Variants in CNIH3 observed in about 807,000 individuals in gnomAD.
CNIH3 encodes the protein protein cornichon homolog 3.
In CNIH3, 14 loss-of-function variants were observed where a neutral mutation model predicts 24.1. The observed-to-expected ratio is 0.58, with a 90% CI of 0.38 to 0.91. The LOEUF is 0.91. CNIH3 is among the 40% of genes least tolerant of loss of function. CNIH3 has a pLI of 0.00. For synonymous variants in CNIH3, 68 were observed against 73.8 expected, an observed-to-expected ratio of 0.92 and a Z score of 0.40; for missense variants, 178 against 196.8, an observed-to-expected ratio of 0.90 and a Z score of 0.57.
chr1:224,737,400 G>A (rs938475571), intron 5 of CNIH3, among the ~76,000 whole-genome samples: 3 of 152,128 alleles, frequency 2.0e-5, no homozygotes, highest in Non-Finnish European at 4.4e-5. Flanking sequence ...AACAAAATTG[G>A]AAACAGTTCC....
At chr1:224,525,038 A>C (rs1288884931) in intron 2 of CNIH3, among the ~76,000 whole-genome samples, 1 of 152,212 alleles carries the variant, frequency 6.6e-6, no homozygotes, top group Middle Eastern at 3.2e-3. Context: ...GTAGCCATTC[A>C]AGATGAAAAC....
At chr1:224,495,344 G>A (rs1677395269) in intron 1 of CNIH3, among the ~76,000 whole-genome samples, 1 of 152,184 alleles carries the variant, frequency 6.6e-6, no homozygotes, top group East Asian at 1.9e-4. Flanking sequence ...AATCCAATAT[G>A]ATTTTTTACT....
At chr1:224,439,791 T>G (rs987371865) in intron 1 of CNIH3, among the ~76,000 whole-genome samples, 1 of 151,546 alleles carries the variant, frequency 6.6e-6, no homozygotes, top group Non-Finnish European at 1.5e-5. Context: ...TTGGTTTTTG[T>G]TTTGTTTTGT....
At chr1:224,534,095 G>T (rs369027828) in intron 2 of CNIH3, among the ~76,000 whole-genome samples, 110 of 152,332 alleles carry the variant, frequency 7.2e-4, no homozygotes, top group African/African-American at 2.5e-3. Context: ...AGCCTCGGAG[G>T]TTGAGGCTTC....
At chr1:224,586,972 C>A (rs1296633624) in intron 5 of CNIH3, among the ~76,000 whole-genome samples, 3 of 152,176 alleles carry the variant, frequency 2.0e-5, no homozygotes, top group Non-Finnish European at 2.9e-5. Flanking sequence ...TGATTTTAGA[C>A]TTCCATCCTT....
upstream of CNIH3, among the ~76,000 whole-genome samples, chr1:224,513,234 C>T (rs1255357457): frequency 1.5e-4 from 23 of 151,742 alleles, no homozygotes; most frequent in Admixed American, 1.1e-3. Context: ...TCACAGCTCA[C>T]AGCAGCCTAA....
At position 224,715,949 on chromosome 1, in the gene CNIH3, TC is replaced by T. The variant is rs1688407632; in HGVS notation, c.199-14512del. On this transcript the variant is annotated intron_variant, in intron 3 of 5. Coordinates refer to ENST00000272133, the MANE Select transcript of CNIH3 (RefSeq NM_152495.2). ...CTTCACACAGTGGCCCATGCTGAGT[TC>T]TTTTCTTTCACCCCTAAAAATATTT... Among the ~76,000 whole-genome samples the T allele has an allele frequency of 2.6e-5, 4 of 152,302 alleles. No homozygotes were observed. The South Asian group carries it at 8.3e-4, about 32-fold the overall frequency.
At chr1:224,609,469 G>T (rs1436102419) in intron 3 of CNIH3, among the ~76,000 whole-genome samples, 1 of 152,116 alleles carries the variant, frequency 6.6e-6, no homozygotes, top group Non-Finnish European at 1.5e-5. Context: ...TTGGATGGGG[G>T]TGTTGAGAGG....
At chr1:224,608,907 CA>C (rs956905848) in intron 3 of CNIH3, among the ~76,000 whole-genome samples, 3 of 152,194 alleles carry the variant, frequency 2.0e-5, no homozygotes, top group African/African-American at 4.8e-5. Context: ...TAAACTCTGC[CA>C]TTTTGCCTCT....
chr1:224,590,394 T>C (rs935627279), downstream of CNIH3, among the ~76,000 whole-genome samples: 2 of 152,242 alleles, frequency 1.3e-5, no homozygotes, highest in East Asian at 3.8e-4. Flanking sequence ...TGTGTATGTA[T>C]GCCAAACAGT....
At chr1:224,555,507 G>C (rs551355053) in intron 3 of CNIH3, among the ~76,000 whole-genome samples, 48 of 152,278 alleles carry the variant, frequency 3.2e-4, no homozygotes, top group African/African-American at 1.1e-3. Flanking sequence ...TATTTTGGAA[G>C]ACTTTTAACA....
chr1:224,734,511 T>C, intron 4 of CNIH3, 52 bp from the exon 5 acceptor site: 1 of 1,597,652 alleles, frequency 6.3e-7, no homozygotes, highest in Middle Eastern at 1.9e-4. Context: ...TTGCCCAGGT[T>C]ACGCCAGAAG....
At chr1:224,495,253 C>A (rs1677390657) in intron 1 of CNIH3, among the ~76,000 whole-genome samples, 1 of 152,216 alleles carries the variant, frequency 6.6e-6, no homozygotes, top group Non-Finnish European at 1.5e-5. Context: ...GCCCCCTTCT[C>A]TCCCATGCCA....
chr1:224,490,364 A>G (rs912729501), intron 1 of CNIH3, among the ~76,000 whole-genome samples: 2 of 152,346 alleles, frequency 1.3e-5, no homozygotes, highest in Admixed American at 1.3e-4. Flanking sequence ...TTTGGGGACT[A>G]GAATTATAGA....
At chr1:224,581,150 G>A (rs1681258740) in intron 4 of CNIH3, among the ~76,000 whole-genome samples, 1 of 152,102 alleles carries the variant, frequency 6.6e-6, no homozygotes, top group Admixed American at 6.6e-5. Flanking sequence ...TGAATTTGGG[G>A]TCCTGAAATT....
At chr1:224,726,350 G>T (rs967789401) in intron 3 of CNIH3, among the ~76,000 whole-genome samples, 2 of 152,354 alleles carry the variant, frequency 1.3e-5, no homozygotes, top group Non-Finnish European at 2.9e-5. Context: ...AGGAGATAAA[G>T]TTTGCAGGTA....
intron 3 of CNIH3, among the ~76,000 whole-genome samples, chr1:224,606,977 T>G (rs1225871482): frequency 6.6e-6 from 1 of 152,174 alleles, no homozygotes; most frequent in African/African-American, 2.4e-5. Context: ...AAGTTAGATT[T>G]AAGTTATTTT....
chr1:224,508,091 G>A (rs1677992037), intron 1 of CNIH3, among the ~76,000 whole-genome samples: 1 of 152,218 alleles, frequency 6.6e-6, no homozygotes, highest in African/African-American at 2.4e-5. Context: ...TCTGGTATAT[G>A]TATGTTTTGT....
chr1:224,729,412 C>CAAAAA (rs1184318000), intron 3 of CNIH3, among the ~76,000 whole-genome samples: 3 of 44,588 alleles, frequency 6.7e-5, no homozygotes, highest in Non-Finnish European at 1.3e-4. Context: ...ACTATGTCTC[C>CAAAAA]AAAAAAAAAA....
Sources: gnomAD v4.1 joint callset for allele counts (sites outside exome capture counted in the v4.1 genomes callset) on GRCh38, gnomAD v4.1.1 for gene constraint, MANE v1.5 for transcripts, NCBI Gene and HGNC (gene_info 2026-07-23, HGNC 2026-07-21) for gene names.